ANKRD17: variants seen among roughly 807,000 people sequenced by gnomAD.
ANKRD17 encodes the protein ankyrin repeat domain 17.
A neutral mutation model predicts 229.7 loss-of-function variants in ANKRD17; 19 were observed. That is an observed-to-expected ratio of 0.08 (90% CI 0.06 to 0.12). ANKRD17 has a LOEUF of 0.12. ANKRD17 is among the 10% of genes least tolerant of loss of function. The pLI, the probability that ANKRD17 is intolerant of heterozygous loss-of-function variation, is 1.00. For synonymous variants in ANKRD17, 1,112 were observed against 1,146.1 expected, an observed-to-expected ratio of 0.97 and a Z score of 0.60; for missense variants, 2,176 against 3,176.8, an observed-to-expected ratio of 0.68 and a Z score of 7.57.
intron 7 of ANKRD17, 75 bp downstream of exon 7, chr4:73,151,355 A>G: frequency 7.0e-6 from 9 of 1,292,160 alleles, no homozygotes; most frequent in Non-Finnish European, 9.8e-6. Context: ...CCCATTGGAA[A>G]GGCATTCATT....
At chr4:73,089,461 T>A (rs1722548872) in intron 29 of ANKRD17, among the ~76,000 whole-genome samples, 1 of 152,188 alleles carries the variant, frequency 6.6e-6, no homozygotes, top group Admixed American at 6.5e-5. Flanking sequence ...TTACTTGAAA[T>A]GCTTATATTA....
At chr4:73,197,418 C>T (rs565101606) in intron 1 of ANKRD17, among the ~76,000 whole-genome samples, 100 of 152,280 alleles carry the variant, frequency 6.6e-4, no homozygotes, top group South Asian at 3.9e-3. Flanking sequence ...TCAATACTTA[C>T]GCAACTCTGT....
chr4:73,167,374 T>C (rs1328594089), intron 2 of ANKRD17, among the ~76,000 whole-genome samples: 2 of 152,088 alleles, frequency 1.3e-5, no homozygotes, highest in African/African-American at 2.4e-5. Context: ...ATATAAAAAA[T>C]AGAAATAATT....
At chr4:73,125,125 A>T (rs568864870) in intron 17 of ANKRD17, 67 bp from the exon 18 acceptor site, 1 of 1,597,714 alleles carries the variant, frequency 6.3e-7, no homozygotes, top group Non-Finnish European at 8.5e-7. Flanking sequence ...GACCTTCAAA[A>T]TAGGACTAAA....
At chr4:73,099,575 C>A (rs1163179335) in intron 25 of ANKRD17, among the ~76,000 whole-genome samples, 1 of 152,210 alleles carries the variant, frequency 6.6e-6, no homozygotes, top group Non-Finnish European at 1.5e-5. Flanking sequence ...ATTCCCCTGG[C>A]CTTAAAAGGG....
Position 73,141,848 on chromosome 4 carries a change from G to A in ANKRD17, c.2230-5C>T. On this transcript the variant is annotated splice_polypyrimidine_tract_variant and splice_region_variant and intron_variant, in intron 13 of 33. Coordinates refer to ENST00000358602, the MANE Select transcript of ANKRD17 (RefSeq NM_032217.5). The stretch of plus-strand genomic sequence containing the variant: ...TTGAACTGGTACACGAGGAGCCTAA[G>A]ACAAAGGACACTAAGTGACTATTAG... 6.2e-7 allele frequency: 1 copy of A among 1,611,358 alleles called. No individual in the cohort carries two copies. Among genetic ancestry groups the A allele is most frequent in the Non-Finnish European group, 8.5e-7 (1 of 1,177,922 alleles).
At chr4:73,135,838 A>G (rs946868739) in intron 15 of ANKRD17, among the ~76,000 whole-genome samples, 4 of 152,186 alleles carry the variant, frequency 2.6e-5, no homozygotes, top group Admixed American at 2.0e-4. Flanking sequence ...TTCAAATATA[A>G]AAATTTATCC....
chr4:73,214,925 C>A (rs1032745429), intron 1 of ANKRD17, among the ~76,000 whole-genome samples: 1 of 148,140 alleles, frequency 6.8e-6, no homozygotes. Context: ...CTTTAATATT[C>A]TGTGTGATAA....
intron 31 of ANKRD17, among the ~76,000 whole-genome samples, chr4:73,078,088 A>G (rs1305627244): frequency 1.3e-5 from 2 of 152,036 alleles, no homozygotes; most frequent in Non-Finnish European, 2.9e-5. Flanking sequence ...TGTCTCTACT[A>G]AAAATACAGG....
chr4:73,185,208 AAAAT>A (rs972879122), intron 1 of ANKRD17, among the ~76,000 whole-genome samples: 9 of 151,516 alleles, frequency 5.9e-5, no homozygotes, highest in East Asian at 1.9e-4. Context: ...AAATATTTAA[AAAAT>A]AAATAAAAAA....
intron 1 of ANKRD17, among the ~76,000 whole-genome samples, chr4:73,186,655 T>C (rs966218477): frequency 6.6e-6 from 1 of 152,192 alleles, no homozygotes; most frequent in Non-Finnish European, 1.5e-5. Context: ...CCTGCAACAA[T>C]TGAGTATGAC....
In ANKRD17 at chr4:73,139,589, C is replaced by A. The variant is rs1729357290; in HGVS notation, c.3027G>T (p.Gly1009=). The change falls in exon 15 of 34, where the codon GGG becomes GGT. Residue 1009 remains glycine (G), a synonymous_variant. Coordinates refer to ENST00000358602, the MANE Select transcript of ANKRD17 (RefSeq NM_032217.5). The part of the protein sequence containing the change: ...GQGILTETQQ[G]LMVASPAQTL... ...TCTGAGCAGGGCTGGCTACCATTAA[C>A]CCTTGTTGTGTTTCTGTCAGAATTC... The A allele has an allele frequency of 6.2e-7, 1 of 1,614,174 alleles. No individual in the cohort carries two copies. The highest frequency in any genetic ancestry group is 8.5e-7 in the Non-Finnish European group (1 of 1,180,032).
chr4:73,229,566 A>C (rs1358915090), intron 1 of ANKRD17, among the ~76,000 whole-genome samples: 1 of 151,900 alleles, frequency 6.6e-6, no homozygotes, highest in East Asian at 1.9e-4. Context: ...CAAAAAAAAC[A>C]CATAAATTCT....
At position 73,092,419 on chromosome 4, in the gene ANKRD17, C is replaced by G. The variant is rs114919651; in HGVS notation, c.5328-119G>C. ...ACAGTTTTGTGTGTATATACATACACACATACAAACAAAGGACAGATAACA... is the reference window on the plus strand; with the variant it reads ...ACAGTTTTGTGTGTATATACATACAGACATACAAACAAAGGACAGATAACA... On this transcript the variant is annotated intron_variant, in intron 28 of 33. Coordinates refer to ENST00000358602, the MANE Select transcript of ANKRD17 (RefSeq NM_032217.5). 2,505 of 760,664 alleles carry G rather than the reference C, an allele frequency of 3.3e-3. 46 individuals are homozygous for G. In the African/African-American group the frequency reaches 0.04, roughly 12 times the overall value. The allele number at this position is 760,664 out of a possible 1,614,324, so 47.1% of individuals were successfully genotyped here.
intron 29 of ANKRD17, 35 bp downstream of exon 29, chr4:73,090,632 G>A: frequency 6.2e-7 from 1 of 1,611,470 alleles, no homozygotes; most frequent in Non-Finnish European, 8.5e-7. Context: ...TTGTGCAAAT[G>A]AACAGCTGCA....
At chr4:73,098,615 T>G in intron 25 of ANKRD17, 95 bp from the exon 26 acceptor site, 1 of 1,102,968 alleles carries the variant, frequency 9.1e-7, no homozygotes, top group Admixed American at 2.5e-5. Flanking sequence ...CCAGGAGAGA[T>G]ACTCTACTAC....
intron 1 of ANKRD17, among the ~76,000 whole-genome samples, chr4:73,206,811 T>C (rs2149133836): frequency 6.6e-6 from 1 of 152,240 alleles, no homozygotes; most frequent in South Asian, 2.1e-4. Flanking sequence ...CACTTGAAAT[T>C]TGCTAAGAGA....
intron 1 of ANKRD17, among the ~76,000 whole-genome samples, chr4:73,214,847 T>TAAAAAAAAA (rs766995925): frequency 1.2e-5 from 1 of 85,596 alleles, no homozygotes; most frequent in Non-Finnish European, 2.4e-5. Context: ...TCGTCTCTAT[T>TAAAAAAAAA]AAAAAAAAAA....
chr4:73,245,949 A>G (rs1051313753), intron 1 of ANKRD17, among the ~76,000 whole-genome samples: 13 of 152,222 alleles, frequency 8.5e-5, no homozygotes, highest in Non-Finnish European at 4.4e-5. Context: ...TAAAAATCTT[A>G]CACTTGAACT....
Sources: allele counts gnomAD v4.1 joint callset (sites outside exome capture counted in the v4.1 genomes callset), GRCh38; gene constraint gnomAD v4.1.1; transcripts MANE v1.5; gene names NCBI Gene and HGNC (gene_info 2026-07-23, HGNC 2026-07-21).